COQ6: variants seen among roughly 807,000 people sequenced by gnomAD.
The protein encoded by COQ6 is ubiquinone biosynthesis monooxygenase COQ6, mitochondrial.
A neutral mutation model predicts 55.5 loss-of-function variants in COQ6; 45 were observed. The ratio of observed to expected loss-of-function variants is 0.81; its 90% confidence interval spans 0.64 to 1.04. The LOEUF (loss-of-function observed/expected upper bound fraction) is 1.04, where lower values mean the gene tolerates loss of function less well. COQ6 is among the 50% of genes least tolerant of loss of function. COQ6 has a pLI of 0.00. For synonymous variants in COQ6, 206 were observed against 230.5 expected (o/e 0.89, Z 0.96); for missense variants, 550 against 601.3 (o/e 0.91, Z 0.89).
Position 73,950,369 on chromosome 14 carries a change from C to A in COQ6, c.37C>A (p.Arg13Ser). ...GCTTGTCAGCCGATGCGGGGCTGTGCGTGCAGCTCCCCACAGCGGCCCGCT... is the reference window on the plus strand; with the variant it reads ...GCTTGTCAGCCGATGCGGGGCTGTGAGTGCAGCTCCCCACAGCGGCCCGCT... ...ARLVSRCGAV[R>S]AAPHSGPLVS... The change falls in exon 1 of 12, where the codon CGT becomes AGT. Residue 13 changes from arginine to serine, a missense_variant. Arg to Ser is a moderately radical substitution (Grantham distance 110, BLOSUM62 -1). Coordinates refer to ENST00000334571, the MANE Select transcript of COQ6 (RefSeq NM_182476.3). 2 of 1,562,372 alleles carry A rather than the reference C, an allele frequency of 1.3e-6. No homozygotes were observed. Among genetic ancestry groups the A allele is most frequent in the Non-Finnish European group, 1.7e-6 (2 of 1,155,596 alleles).
At chr14:73,957,973 C>T in intron 4 of COQ6, 174 bp from the exon 5 acceptor site, 1 of 643,684 alleles carries the variant, frequency 1.6e-6, no homozygotes, top group Non-Finnish European at 2.8e-6. Flanking sequence ...TGAGTTATCT[C>T]TGTGGCTTCT....
intron 4 of COQ6, 183 bp downstream of exon 4, chr14:73,956,111 T>G (rs1241467754): frequency 1.5e-6 from 1 of 676,738 alleles, no homozygotes; most frequent in Non-Finnish European, 2.5e-6. Context: ...GATCACGAGG[T>G]CAGGAGATGG....
intron 11 of COQ6, among the ~76,000 whole-genome samples, chr14:73,962,232 C>T (rs1216245412): frequency 6.6e-6 from 1 of 152,076 alleles, no homozygotes; most frequent in African/African-American, 2.4e-5. Flanking sequence ...AGGCGTGAGC[C>T]ACTGCGGCTG....
chr14:73,954,936 C>CT (rs35787543), intron 2 of COQ6, among the ~76,000 whole-genome samples: 15,088 of 125,930 alleles, frequency 0.12, 993 homozygotes, highest in Admixed American at 0.14. Context: ...GAAGCTGAGT[C>CT]TTTTTTTTTT....
chr14:73,954,342 A>G (rs2056318478), intron 2 of COQ6, among the ~76,000 whole-genome samples: 1 of 152,188 alleles, frequency 6.6e-6, no homozygotes, highest in Non-Finnish European at 1.5e-5. Flanking sequence ...ATGTGTACCT[A>G]TAGTCCTGGC....
chr14:73,950,384 A>G lies in COQ6; in HGVS notation c.52A>G (p.Ser18Gly). The change falls in exon 1 of 12, where the codon AGC becomes GGC. Residue 18 changes from serine (S) to glycine (G), a missense_variant. Transcript: ENST00000334571. ...CGGGGCTGTGCGTGCAGCTCCCCACAGCGGCCCGCTGGTGTCCTGGCGCAG... is the reference window on the plus strand; with the variant it reads ...CGGGGCTGTGCGTGCAGCTCCCCACGGCGGCCCGCTGGTGTCCTGGCGCAG... ...RCGAVRAAPHSGPLVSWRRWS... is the reference protein window; with the variant it reads ...RCGAVRAAPHGGPLVSWRRWS... The G allele has an allele frequency of 6.4e-7, 1 of 1,572,188 alleles. No homozygotes were observed. The highest frequency in any genetic ancestry group is 8.6e-7 in the Non-Finnish European group (1 of 1,159,802).
intron 11 of COQ6, 50 bp downstream of exon 11, chr14:73,961,953 T>C: frequency 1.9e-6 from 3 of 1,603,728 alleles, no homozygotes; most frequent in South Asian, 1.1e-5. Context: ...TTAATTTCTT[T>C]TGCTTTTTTT....
rs1337348156 is a variant in COQ6, at chr14:73,958,131, CTT to C, written c.482-13_482-12del. The C allele has an allele frequency of 1.2e-6, 2 of 1,612,296 alleles. No individual in the cohort carries two copies. Among genetic ancestry groups the C allele is most frequent in the East Asian group, 2.2e-5 (1 of 44,858 alleles). ...CCACCTTTCTAATTTTTTTTCCTCT[CTT>C]TTGACCTCCCCAGACCGAGTGACGG... On this transcript the variant is annotated splice_polypyrimidine_tract_variant and intron_variant, in intron 4 of 11. Transcript: ENST00000334571.
chr14:73,957,256 C>T (rs1490491914), intron 4 of COQ6, among the ~76,000 whole-genome samples: 1 of 152,020 alleles, frequency 6.6e-6, no homozygotes, highest in Admixed American at 6.6e-5. Flanking sequence ...TGCCACCGTG[C>T]CCAGCTAATT....
chr14:73,952,593 G>C (rs562591664), intron 1 of COQ6, among the ~76,000 whole-genome samples: 7 of 151,878 alleles, frequency 4.6e-5, no homozygotes, highest in Non-Finnish European at 8.8e-5. Context: ...GGCTGGTCTT[G>C]AATTCCTAGG....
At chr14:73,960,548 T>C in intron 8 of COQ6, 1 of 1,006,208 alleles carries the variant, frequency 9.9e-7, no homozygotes. Flanking sequence ...CTGGGCCATT[T>C]AGTATATATT....
At chr14:73,962,246 C>T (rs185528289) in intron 11 of COQ6, among the ~76,000 whole-genome samples, 6 of 152,052 alleles carry the variant, frequency 3.9e-5, no homozygotes, top group Non-Finnish European at 7.4e-5. Context: ...GCGGCTGGCC[C>T]ACAGCTCTTA....
At chr14:73,958,352 T>A in intron 5 of COQ6, 75 bp downstream of exon 5, 17 of 1,608,820 alleles carry the variant, frequency 1.1e-5, no homozygotes, top group Non-Finnish European at 1.4e-5. Context: ...ACTCTGGTTT[T>A]CGATTTAAGC....
chr14:73,955,870 T>TA lies in COQ6; in HGVS notation c.424dup (p.Ile142AsnfsTer5), dbSNP rs2056406887. ...AGGATAATTTAGATGACATGGGCTA[T>TA]ATCGTGGAGAATGATGTCATCATGC... On this transcript the variant is annotated frameshift_variant, in exon 4 of 12. Coordinates refer to ENST00000334571, the MANE Select transcript of COQ6 (RefSeq NM_182476.3). LOFTEE classifies it high-confidence loss of function. 1 of 1,614,056 alleles carries TA rather than the reference T, an allele frequency of 6.2e-7. No homozygotes were observed. The highest frequency in any genetic ancestry group is 1.3e-5 in the African/African-American group (1 of 74,934).
intron 5 of COQ6, 36 bp from the exon 6 acceptor site, chr14:73,958,935 G>T: frequency 6.2e-7 from 1 of 1,612,370 alleles, no homozygotes; most frequent in Non-Finnish European, 8.5e-7. Context: ...TTTATGAAGA[G>T]GCTGGAAGAC....
intron 8 of COQ6, chr14:73,959,878 G>T: frequency 8.1e-7 from 1 of 1,236,866 alleles, no homozygotes; most frequent in South Asian, 1.7e-5. Flanking sequence ...CCAGAAAGGT[G>T]GTTTTGAGTC....
At chr14:73,955,659 A>G (rs2056398632) in intron 3 of COQ6, 146 bp from the exon 4 acceptor site, 2 of 1,399,104 alleles carry the variant, frequency 1.4e-6, no homozygotes, top group Non-Finnish European at 2.0e-6. Flanking sequence ...TTCCCAGGAG[A>G]ATTTTCTTCT....
At chr14:73,960,291 A>C in intron 8 of COQ6, 3 of 985,906 alleles carry the variant, frequency 3.0e-6, no homozygotes, top group Non-Finnish European at 3.6e-6. Flanking sequence ...TTTCAAAATG[A>C]GAGAACTTTT....
At chr14:73,958,592 A>T (rs1294110508) in intron 5 of COQ6, 1 of 1,288,520 alleles carries the variant, frequency 7.8e-7, no homozygotes, top group Admixed American at 3.3e-5. Context: ...CTTGCCTCTC[A>T]TTTTTCTCCT....
Sources: gnomAD v4.1 joint callset for allele counts (sites outside exome capture counted in the v4.1 genomes callset) on GRCh38, gnomAD v4.1.1 for gene constraint, MANE v1.5 for transcripts, NCBI Gene and HGNC (gene_info 2026-07-23, HGNC 2026-07-21) for gene names.